The following DPY19L3 variants were observed in gnomAD, a reference collection of about 807,000 sequenced individuals.
The protein encoded by DPY19L3 is protein C-mannosyl-transferase DPY19L3.
Under a neutral mutation model 92.3 loss-of-function variants are expected in DPY19L3, and 51 were observed. The observed-to-expected ratio is 0.55, with a 90% CI of 0.44 to 0.70. The LOEUF is 0.70. Among genes scored for constraint, DPY19L3 ranks in the 30% least tolerant of loss-of-function variants. The pLI, the probability that DPY19L3 is intolerant of heterozygous loss-of-function variation, is 0.00. For missense variants in DPY19L3, 706 were observed against 855.9 expected (o/e 0.82, Z 2.18); for synonymous variants, 309 against 315.2 (o/e 0.98, Z 0.21).
intron 12 of DPY19L3, among the ~76,000 whole-genome samples, chr19:32,460,022 G>A (rs954997660): frequency 2.0e-5 from 3 of 152,236 alleles, no homozygotes; most frequent in Middle Eastern, 3.4e-3. Context: ...TGCAAACCTG[G>A]ACAGCAAGTT....
At chr19:32,416,448 ACACACCAGTGG>A (rs1427941374) in intron 3 of DPY19L3, among the ~76,000 whole-genome samples, 1 of 152,144 alleles carries the variant, frequency 6.6e-6, no homozygotes, top group Non-Finnish European at 1.5e-5. Context: ...CCTTCGTTTC[ACACACCAGTGG>A]CACGTTTGGG....
intron 17 of DPY19L3, among the ~76,000 whole-genome samples, chr19:32,479,822 A>G (rs1645218657): frequency 6.6e-6 from 1 of 152,192 alleles, no homozygotes; most frequent in African/African-American, 2.4e-5. Flanking sequence ...TCTCACCCCT[A>G]GGATGGACGA....
chr19:32,413,770 G>C (rs1968280555), intron 3 of DPY19L3, among the ~76,000 whole-genome samples: 1 of 152,014 alleles, frequency 6.6e-6, no homozygotes, highest in African/African-American at 2.4e-5. Context: ...CCCCAGGCTG[G>C]AGTGCAATGG....
chr19:32,484,064 T>C lies in DPY19L3; in HGVS notation c.*1824T>C, dbSNP rs1204554017. On this transcript the variant is annotated 3_prime_UTR_variant, in exon 19 of 19. Coordinates refer to ENST00000392250, the MANE Select transcript of DPY19L3 (RefSeq NM_001172774.2). ...CATTTGGGCATTTGGAGTCTTAATA[T>C]ACAAGAAACACGTACTTAAATTTTT... 3 of 152,586 alleles carry C rather than the reference T, an allele frequency of 2.0e-5. No individual in the cohort carries two copies. The highest frequency in any genetic ancestry group is 7.2e-5 in the African/African-American group (3 of 41,460). The allele number at this position is 152,586 out of a possible 1,614,324, so 9.5% of individuals were successfully genotyped here.
chr19:32,420,537 C>A (rs535765181), intron 3 of DPY19L3, among the ~76,000 whole-genome samples: 1 of 151,826 alleles, frequency 6.6e-6, no homozygotes, highest in Non-Finnish European at 1.5e-5. Context: ...CTTTGCCTCC[C>A]GAGTTCAAGC....
intron 8 of DPY19L3, among the ~76,000 whole-genome samples, chr19:32,448,857 T>C (rs1003570528): frequency 7.9e-5 from 12 of 152,212 alleles, no homozygotes; most frequent in Admixed American, 7.9e-4. Flanking sequence ...CCGCTGATAA[T>C]CCAGGACTTC....
chr19:32,470,042 G>A (rs1322914047), intron 16 of DPY19L3, among the ~76,000 whole-genome samples: 2 of 152,208 alleles, frequency 1.3e-5, no homozygotes, highest in African/African-American at 4.8e-5. Context: ...CTTGACAGCT[G>A]AGGCCTCCCT....
chr19:32,453,450 C>T (rs999952150), intron 9 of DPY19L3, among the ~76,000 whole-genome samples, 174 bp downstream of exon 9: 3 of 152,174 alleles, frequency 2.0e-5, no homozygotes, highest in Non-Finnish European at 4.4e-5. Context: ...CTGTTTCAAG[C>T]TTTCTGGGTC....
rs1967919269 is a variant in DPY19L3 at position 32,405,850 on chromosome 19, C to G, written c.-97C>G. On this transcript the variant is annotated 5_prime_UTR_variant, in exon 1 of 19. Transcript: ENST00000392250. ...GCCCGTGGCGCGGCCCCGTTCCCGC[C>G]TAGCCCCGTCGGCCTCCTTCCCCTC... The G allele has an allele frequency of 6.6e-6, 1 of 152,154 alleles. No homozygotes were observed. Among genetic ancestry groups the G allele is most frequent in the Non-Finnish European group, 1.5e-5 (1 of 68,112 alleles). 9.4% of individuals were successfully genotyped at this position (152,154 alleles called of 1,614,324 possible). A position where few individuals can be genotyped will look rare whatever the true frequency, so the allele number is the denominator to read the frequency against.
At position 32,426,573 on chromosome 19, in the gene DPY19L3, T is replaced by C. The variant is rs191758866; in HGVS notation, c.238-6143T>C. Among the ~76,000 whole-genome samples the C allele has an allele frequency of 2.3e-4, 35 of 152,276 alleles. No individual in the cohort carries two copies. In the East Asian group the frequency reaches 5.8e-3, roughly 25 times the overall value. On this transcript the variant is annotated intron_variant, in intron 3 of 18. Coordinates refer to ENST00000392250, the MANE Select transcript of DPY19L3 (RefSeq NM_001172774.2). Reference sequence around the variant, plus strand: ...ATTGTAAAGTTATTAATTCCGATATTATTGTGTCTCAGGGAGCAGAGAGGC... The same window carrying C: ...ATTGTAAAGTTATTAATTCCGATATCATTGTGTCTCAGGGAGCAGAGAGGC...
At chr19:32,433,704 T>C (rs1357289930) in intron 4 of DPY19L3, among the ~76,000 whole-genome samples, 4 of 152,230 alleles carry the variant, frequency 2.6e-5, no homozygotes, top group Non-Finnish European at 5.9e-5. Context: ...ATTATAGGCA[T>C]GAGCCACCGC....
In DPY19L3 at chr19:32,480,516, G is replaced by T; in HGVS notation, c.1948G>T (p.Gly650Cys). ...CTGCTACGAGCGGAGGCACCGCCGG[G>T]GCTGCCGACTCCGGGACCTGCTGGA... ...SICYERRHRRGCRLRDLLDIA... is the reference protein window; with the variant it reads ...SICYERRHRRCCRLRDLLDIA... Residue 650 changes from glycine (G) to cysteine (C), a missense_variant, in exon 18 of 19, where the codon GGC (glycine) becomes TGC (cysteine). Transcript: ENST00000392250. The T allele has an allele frequency of 1.2e-6, 2 of 1,614,148 alleles. No homozygotes were observed. The highest frequency in any genetic ancestry group is 1.7e-6 in the Non-Finnish European group (2 of 1,180,010).
chr19:32,471,650 G>GTC (rs957771495), intron 16 of DPY19L3, among the ~76,000 whole-genome samples: 2 of 152,158 alleles, frequency 1.3e-5, no homozygotes, highest in African/African-American at 2.4e-5. Context: ...ATTACGTTGT[G>GTC]CTCCTGGACA....
intron 1 of DPY19L3, among the ~76,000 whole-genome samples, chr19:32,407,057 T>A (rs1457189727): frequency 6.6e-6 from 1 of 151,778 alleles, no homozygotes. Flanking sequence ...TGTTAGTTGG[T>A]TTGTTCTGTA....
At chr19:32,433,579 A>G (rs1259769165) in intron 4 of DPY19L3, among the ~76,000 whole-genome samples, 1 of 151,768 alleles carries the variant, frequency 6.6e-6, no homozygotes. Context: ...TACCACGTTC[A>G]TTTTTTGTTT....
intron 2 of DPY19L3, among the ~76,000 whole-genome samples, chr19:32,409,007 AATTTACATT>A (rs758999814): frequency 5.9e-5 from 9 of 152,224 alleles, no homozygotes; most frequent in Non-Finnish European, 1.2e-4. Context: ...TATCTGACAG[AATTTACATT>A]ATTTACAGCC....
intron 8 of DPY19L3, among the ~76,000 whole-genome samples, chr19:32,449,379 C>G (rs1272168273): frequency 6.6e-6 from 1 of 152,146 alleles, no homozygotes; most frequent in African/African-American, 2.4e-5. Flanking sequence ...CACATTCCCT[C>G]TCAGAATCCC....
chr19:32,423,092 C>A (rs1968628630), intron 3 of DPY19L3, among the ~76,000 whole-genome samples: 2 of 152,034 alleles, frequency 1.3e-5, no homozygotes, highest in South Asian at 2.1e-4. Flanking sequence ...CCATGAGATA[C>A]ATGGAAAAAC....
chr19:32,453,030 A>C (rs1336834157), intron 8 of DPY19L3, 115 bp from the exon 9 acceptor site: 1 of 1,221,978 alleles, frequency 8.2e-7, no homozygotes, highest in Non-Finnish European at 1.2e-6. Context: ...TTGAATCTAC[A>C]TGTGTTTTCT....
Sources: gnomAD v4.1 joint callset for allele counts (sites outside exome capture counted in the v4.1 genomes callset) on GRCh38, gnomAD v4.1.1 for gene constraint, MANE v1.5 for transcripts, NCBI Gene and HGNC (gene_info 2026-07-23, HGNC 2026-07-21) for gene names.